MACROD1: variants seen among roughly 807,000 people sequenced by gnomAD.
MACROD1 encodes ADP-ribose glycohydrolase MACROD1.
Under a neutral mutation model 41.4 loss-of-function variants are expected in MACROD1, and 31 were observed. The ratio of observed to expected loss-of-function variants is 0.75; its 90% confidence interval spans 0.56 to 1.01. MACROD1 has a LOEUF of 1.01. MACROD1 is among the 50% of genes least tolerant of loss of function. The probability of loss-of-function intolerance (pLI) is 0.00; values close to 1 mark genes in which losing one functional copy is unlikely to be tolerated. For synonymous variants in MACROD1, 252 were observed against 203.4 expected, an observed-to-expected ratio of 1.24 and a Z score of -2.03; for missense variants, 473 against 460.0, an observed-to-expected ratio of 1.03 and a Z score of -0.26.
intron 3 of MACROD1, among the ~76,000 whole-genome samples, chr11:64,130,714 G>C (rs557353676): frequency 6.6e-6 from 1 of 151,978 alleles, no homozygotes; most frequent in Non-Finnish European, 1.5e-5. Context: ...CCTCCCCGCC[G>C]CCGCACCCAC....
intron 3 of MACROD1, chr11:64,117,231 C>T (rs1424601174): frequency 6.2e-7 from 1 of 1,614,076 alleles, no homozygotes; most frequent in Non-Finnish European, 8.5e-7. Context: ...GAACCTGGCC[C>T]AGCTGCTGCT....
chr11:64,003,252 A>G (rs993755076), intron 4 of MACROD1, among the ~76,000 whole-genome samples: 9 of 151,968 alleles, frequency 5.9e-5, no homozygotes, highest in African/African-American at 1.9e-4. Context: ...CTGTCTCACT[A>G]TATCATCCAG....
chr11:64,055,354 C>T (rs1361963459), intron 3 of MACROD1, among the ~76,000 whole-genome samples: 3 of 152,220 alleles, frequency 2.0e-5, no homozygotes, highest in South Asian at 2.1e-4. Flanking sequence ...GGAAGCAGCC[C>T]GGTTTCTGGG....
chr11:64,136,799 G>A (rs1275281716), intron 3 of MACROD1, among the ~76,000 whole-genome samples: 1 of 152,258 alleles, frequency 6.6e-6, no homozygotes, highest in Middle Eastern at 3.2e-3. Flanking sequence ...CTGAAAAGAG[G>A]TGGAGAGAAT....
chr11:64,066,391 T>C (rs1259761788), intron 3 of MACROD1, among the ~76,000 whole-genome samples: 3 of 148,760 alleles, frequency 2.0e-5, no homozygotes, highest in Non-Finnish European at 4.4e-5. Flanking sequence ...GGTGGTAGGA[T>C]CACTAGAAGC....
chr11:64,059,428 G>T (rs1455472798), intron 3 of MACROD1, among the ~76,000 whole-genome samples: 1 of 152,164 alleles, frequency 6.6e-6, no homozygotes, highest in African/African-American at 2.4e-5. Flanking sequence ...GTCCCCCCAG[G>T]GTTGGAGGCT....
intron 3 of MACROD1, among the ~76,000 whole-genome samples, chr11:64,057,228 G>A (rs1314095426): frequency 6.6e-6 from 1 of 152,230 alleles, no homozygotes; most frequent in Admixed American, 6.5e-5. Flanking sequence ...CAGCTTGGCT[G>A]GGGGCTGAAC....
chr11:64,000,641 A>T lies in MACROD1; in HGVS notation c.548-298T>A, dbSNP rs369727395. Among the ~76,000 whole-genome samples the T allele has an allele frequency of 1.3e-3, 197 of 152,022 alleles. 7 individuals are homozygous for T. In the South Asian group the frequency reaches 0.039, roughly 30 times the overall value. ...CAGGCCGCGCCGCCAGGGCCCAGGC[A>T]GGGCGGCTCCGGGAGGCGGGGGCCG... On this transcript the variant is annotated intron_variant, in intron 4 of 10. Transcript: ENST00000255681.
intron 3 of MACROD1, among the ~76,000 whole-genome samples, chr11:64,110,659 C>T (rs71454592): frequency 0.02 from 3,106 of 152,190 alleles, 53 homozygotes; most frequent in Non-Finnish European, 0.029. Flanking sequence ...CGCCCACCCC[C>T]GTGGCCCGCT....
At chr11:64,104,957 G>A (rs1187426648) in intron 3 of MACROD1, among the ~76,000 whole-genome samples, 1 of 151,972 alleles carries the variant, frequency 6.6e-6, no homozygotes, top group Non-Finnish European at 1.5e-5. Context: ...GGCAGGACAG[G>A]GAAGCCCCAA....
chr11:64,063,546 C>G (rs1225638852), intron 3 of MACROD1, among the ~76,000 whole-genome samples: 1 of 152,182 alleles, frequency 6.6e-6, no homozygotes, highest in Non-Finnish European at 1.5e-5. Flanking sequence ...TCCGTTACTG[C>G]CCAGCAGCCA....
chr11:63,999,624 C>G lies in MACROD1; in HGVS notation c.786+18G>C, dbSNP rs74751881. The G allele has an allele frequency of 3.7e-6, 6 of 1,609,180 alleles. No homozygotes were observed. Among genetic ancestry groups the G allele is most frequent in the Admixed American group, 1.7e-5 (1 of 59,730 alleles). On this transcript the variant is annotated intron_variant, in intron 6 of 10. Transcript: ENST00000255681. The stretch of plus-strand genomic sequence containing the variant: ...ACTGCGCCCCGCCTCCCGCCCTCCC[C>G]CGCGGGCCGTCCCTCACCACCGAGC...
At chr11:64,000,120 C>T (rs1942795613) in intron 5 of MACROD1, 107 bp downstream of exon 5, 3 of 859,150 alleles carry the variant, frequency 3.5e-6, no homozygotes, top group Non-Finnish European at 5.4e-6. Flanking sequence ...AAGAAGGGCC[C>T]CCTGAGGAGT....
At chr11:64,016,297 GTGGTAA>G (rs1249478004) in intron 3 of MACROD1, among the ~76,000 whole-genome samples, 1 of 152,248 alleles carries the variant, frequency 6.6e-6, no homozygotes, top group Non-Finnish European at 1.5e-5. Flanking sequence ...GCCTGCGTCC[GTGGTAA>G]CTGCCAGAGC....
chr11:64,095,399 G>A (rs1013040836), intron 3 of MACROD1, among the ~76,000 whole-genome samples: 7 of 152,130 alleles, frequency 4.6e-5, no homozygotes, highest in Admixed American at 1.3e-4. Flanking sequence ...CATTGCTCTC[G>A]GCCAGAGAGA....
At chr11:64,052,257 G>A (rs986962581) in intron 3 of MACROD1, among the ~76,000 whole-genome samples, 1 of 151,942 alleles carries the variant, frequency 6.6e-6, no homozygotes, top group South Asian at 2.1e-4. Context: ...TCGGGGTGGG[G>A]GAAAAAAAAC....
At position 63,998,605 on chromosome 11, in the gene MACROD1, G is replaced by A. The variant is rs1942753677; in HGVS notation, c.*113C>T. The A allele has an allele frequency of 4.7e-6, 6 of 1,275,410 alleles. No individual in the cohort carries two copies. Among genetic ancestry groups the A allele is most frequent in the Non-Finnish European group, 5.9e-6 (6 of 1,012,082 alleles). The allele number at this position is 1,275,410 out of a possible 1,614,324, so 79.0% of individuals were successfully genotyped here. ...GGCTCCTCGGGGGCGGGGCGCGGAGGGAAAGAAGGGGTGGCCAGGCCCAGG... is the reference window on the plus strand; with the variant it reads ...GGCTCCTCGGGGGCGGGGCGCGGAGAGAAAGAAGGGGTGGCCAGGCCCAGG... On this transcript the variant is annotated 3_prime_UTR_variant, in exon 11 of 11. Transcript: ENST00000255681.
chr11:64,147,922 A>G (rs2134695221), intron 3 of MACROD1, among the ~76,000 whole-genome samples: 1 of 150,586 alleles, frequency 6.6e-6, no homozygotes. Context: ...TTTTTTTTGT[A>G]GAGATAGAGT....
chr11:64,000,015 T>C, intron 5 of MACROD1: 1 of 633,514 alleles, frequency 1.6e-6, no homozygotes, highest in Non-Finnish European at 2.7e-6. Flanking sequence ...GCGAAGGCGT[T>C]GCCCCCCAGC....
Sources: allele counts gnomAD v4.1 joint callset (sites outside exome capture counted in the v4.1 genomes callset), GRCh38; gene constraint gnomAD v4.1.1; transcripts MANE v1.5; gene names NCBI Gene and HGNC (gene_info 2026-07-23, HGNC 2026-07-21).